Variants in ICA1 observed in about 807,000 individuals in gnomAD.
The protein encoded by ICA1 is 69 kDa islet cell autoantigen.
ICA1 carries 40 observed loss-of-function variants against 71.0 expected under a neutral mutation model. The observed-to-expected ratio is 0.56, with a 90% confidence interval of 0.44 to 0.73. The LOEUF is 0.73. ICA1 is among the 30% of genes least tolerant of loss of function. ICA1 has a pLI of 0.00. For missense variants in ICA1, 578 were observed against 576.5 expected (o/e 1.00, Z -0.03); for synonymous variants, 207 against 209.5 (o/e 0.99, Z 0.10).
intron 1 of ICA1, among the ~76,000 whole-genome samples, chr7:8,245,631 G>A (rs1805701196): frequency 6.6e-6 from 1 of 151,930 alleles, no homozygotes; most frequent in Admixed American, 6.6e-5. Flanking sequence ...TTTAAAAACA[G>A]TGAAATTAAT....
At chr7:8,175,738 G>C (rs1780407336) in intron 6 of ICA1, among the ~76,000 whole-genome samples, 1 of 152,140 alleles carries the variant, frequency 6.6e-6, no homozygotes, top group Non-Finnish European at 1.5e-5. Context: ...GGGTTCAAAA[G>C]CCACCTAGAA....
chr7:8,129,697 T>G (rs1272912941), intron 12 of ICA1, among the ~76,000 whole-genome samples: 1 of 152,154 alleles, frequency 6.6e-6, no homozygotes, highest in Non-Finnish European at 1.5e-5. Context: ...ACAGTGTGAT[T>G]TTTTTTAAAA....
At chr7:8,204,755 T>C (rs1452269167) in intron 6 of ICA1, among the ~76,000 whole-genome samples, 1 of 152,220 alleles carries the variant, frequency 6.6e-6, no homozygotes, top group Non-Finnish European at 1.5e-5. Context: ...AAGTACGTTT[T>C]TCTTATTTTC....
chr7:8,162,906 G>A (rs1296391055), intron 6 of ICA1, among the ~76,000 whole-genome samples: 1 of 152,220 alleles, frequency 6.6e-6, no homozygotes, highest in Non-Finnish European at 1.5e-5. Context: ...TGGGATTACA[G>A]GCTTGCGCCA....
chr7:8,179,175 T>C (rs1781459405), intron 6 of ICA1, among the ~76,000 whole-genome samples: 1 of 152,166 alleles, frequency 6.6e-6, no homozygotes, highest in African/African-American at 2.4e-5. Context: ...AATGACTTCT[T>C]AGAGGACAGC....
chr7:8,118,501 G>T (rs191060696), intron 13 of ICA1, among the ~76,000 whole-genome samples: 29 of 152,210 alleles, frequency 1.9e-4, no homozygotes, highest in Non-Finnish European at 4.0e-4. Context: ...AAATTATACT[G>T]CAATAAAACG....
At chr7:8,119,792 G>A (rs1786150146) in intron 13 of ICA1, among the ~76,000 whole-genome samples, 1 of 152,216 alleles carries the variant, frequency 6.6e-6, no homozygotes, top group South Asian at 2.1e-4. Context: ...GTTGCAGTGA[G>A]CCGAGATCGT....
chr7:8,218,544 G>T, intron 5 of ICA1, 41 bp from the exon 6 acceptor site: 1 of 1,546,354 alleles, frequency 6.5e-7, no homozygotes, highest in Non-Finnish European at 8.9e-7. Context: ...AACTAAGCCA[G>T]TGAGCAATTT....
At chr7:8,220,728 C>A (rs1436110222) in intron 5 of ICA1, among the ~76,000 whole-genome samples, 1 of 152,152 alleles carries the variant, frequency 6.6e-6, no homozygotes, top group Non-Finnish European at 1.5e-5. Flanking sequence ...ATCAAAACAA[C>A]AGCGGTCTAG....
rs541052250 is a variant in ICA1, at chr7:8,113,750, T to C, written c.*173A>G. The C allele has an allele frequency of 1.5e-6, 1 of 664,354 alleles. No homozygotes were observed. The highest frequency in any genetic ancestry group is 2.9e-5 in the Admixed American group (1 of 34,184). The allele number at this position is 664,354 out of a possible 1,614,324, so 41.2% of individuals were successfully genotyped here. A position where few individuals can be genotyped will look rare whatever the true frequency, so the allele number is the denominator to read the frequency against. ...CACATAGAGATACACGAAAACCCTT[T>C]ATACCAAATAAGAGTAAATAATTAT... On this transcript the variant is annotated 3_prime_UTR_variant, in exon 14 of 14. Transcript: ENST00000402384. This position sits in a 1 kb window ranked among gnomAD's most constrained non-coding sequence, Gnocchi z 4.2.
chr7:8,226,669 C>T lies in ICA1; in HGVS notation c.256+1932G>A, dbSNP rs1340503419. Among the ~76,000 whole-genome samples the T allele has an allele frequency of 6.6e-6, 1 of 152,186 alleles. No individual in the cohort carries two copies. The highest frequency in any genetic ancestry group is 1.5e-5 in the Non-Finnish European group (1 of 68,030). ...CAAGTCCACACAGGGCAGAACTCCT[C>T]CTTCCTGTCTCTGCTGAGATGGCAT... On this transcript the variant is annotated intron_variant, in intron 4 of 13. Transcript: ENST00000402384. The surrounding 1 kb of genome is among the most constrained non-coding windows in gnomAD (Gnocchi z 4.4).
chr7:8,255,626 C>T (rs1809837328), intron 1 of ICA1, among the ~76,000 whole-genome samples: 1 of 152,186 alleles, frequency 6.6e-6, no homozygotes, highest in Non-Finnish European at 1.5e-5. Context: ...TAATCTTCAC[C>T]TGGATTGTTC....
At chr7:8,190,021 T>C (rs1785091123) in intron 6 of ICA1, among the ~76,000 whole-genome samples, 1 of 152,244 alleles carries the variant, frequency 6.6e-6, no homozygotes, top group Admixed American at 6.5e-5. Flanking sequence ...GGTGGAATTT[T>C]GTACTCCTGG....
intron 5 of ICA1, 36 bp downstream of exon 5, chr7:8,221,239 A>G (rs758229686): frequency 6.2e-7 from 1 of 1,612,066 alleles, no homozygotes. Context: ...GTCTCCTCAG[A>G]TCCCCCCAGA....
At chr7:8,184,874 A>G (rs1397217837) in intron 6 of ICA1, among the ~76,000 whole-genome samples, 1 of 152,200 alleles carries the variant, frequency 6.6e-6, no homozygotes, top group Non-Finnish European at 1.5e-5. Context: ...CAGGAGTTTG[A>G]GACCAGCCTG....
chr7:8,234,983 G>A lies in ICA1; in HGVS notation c.17+927C>T, dbSNP rs370477958. On this transcript the variant is annotated intron_variant, in intron 2 of 13. Transcript: ENST00000402384. The surrounding 1 kb of genome is among the most constrained non-coding windows in gnomAD (Gnocchi z 4.5). ...GATCGAGACCATCCTGGCCAACATGGTGAAACCCCGTCTGTACTAAAAATA... is the reference window on the plus strand; with the variant it reads ...GATCGAGACCATCCTGGCCAACATGATGAAACCCCGTCTGTACTAAAAATA... 6.6e-6 allele frequency among the ~76,000 whole-genome samples: 1 copy of A among 152,020 alleles called. No homozygotes were observed. The highest frequency in any genetic ancestry group is 2.4e-5 in the African/African-American group (1 of 41,364).
chr7:8,196,116 C>G (rs1787477459), intron 6 of ICA1, among the ~76,000 whole-genome samples: 1 of 152,146 alleles, frequency 6.6e-6, no homozygotes, highest in African/African-American at 2.4e-5. Context: ...CCAAGCTGTC[C>G]TTCAGTAGAT....
At chr7:8,203,220 C>T (rs1019414154) in intron 6 of ICA1, among the ~76,000 whole-genome samples, 2 of 126,152 alleles carry the variant, frequency 1.6e-5, no homozygotes, top group African/African-American at 4.9e-5. Flanking sequence ...AGGCTCTAAG[C>T]CTTAGGTAAA....
At position 8,136,848 on chromosome 7, in the gene ICA1, G is replaced by C. The variant is rs530904482; in HGVS notation, c.1060+1992C>G. Among the ~76,000 whole-genome samples, 5 of 152,234 alleles carry C rather than the reference G, an allele frequency of 3.3e-5. No homozygotes were observed. In the East Asian group the frequency reaches 9.7e-4, roughly 29 times the overall value. The stretch of plus-strand genomic sequence containing the variant: ...TCCTAACTATAAACCAATGAAATAT[G>C]AAAGTTGTTTTAAATAAGCAGACAA... On this transcript the variant is annotated intron_variant, in intron 12 of 13. Transcript: ENST00000402384.
Sources: gnomAD v4.1 joint callset for allele counts (sites outside exome capture counted in the v4.1 genomes callset) on GRCh38, gnomAD v4.1.1 for gene constraint, Gnocchi (gnomAD v3.1) non-coding constraint, MANE v1.5 for transcripts, NCBI Gene and HGNC (gene_info 2026-07-23, HGNC 2026-07-21) for gene names.